The following PCSK5 variants were observed in gnomAD, a reference collection of about 807,000 sequenced individuals.
PCSK5 encodes proprotein convertase subtilisin/kexin type 5, also known as prohormone convertase 5.
Under a neutral mutation model 233.2 loss-of-function variants are expected in PCSK5, and 129 were observed. The ratio of observed to expected loss-of-function variants is 0.55; its 90% CI spans 0.48 to 0.64. The LOEUF (loss-of-function observed/expected upper bound fraction) is 0.64, where lower values mean the gene tolerates loss of function less well. PCSK5 is among the 30% of genes least tolerant of loss of function. The probability of loss-of-function intolerance (pLI) is 0.00; values close to 1 mark genes in which losing one functional copy is unlikely to be tolerated. For synonymous variants in PCSK5, 825 were observed against 879.2 expected (o/e 0.94, Z 1.09); for missense variants, 2,076 against 2,430.1 (o/e 0.85, Z 3.06).
intron 17 of PCSK5, among the ~76,000 whole-genome samples, chr9:76,188,326 A>C (rs941638066): frequency 3.3e-5 from 5 of 152,180 alleles, no homozygotes; most frequent in Admixed American, 2.0e-4. Context: ...AGTCTAACAA[A>C]TTAAGGAGGC....
intron 24 of PCSK5, among the ~76,000 whole-genome samples, chr9:76,263,943 G>T (rs1249561841): frequency 6.6e-6 from 1 of 152,022 alleles, no homozygotes; most frequent in Admixed American, 6.6e-5. Context: ...TTTCACAGAA[G>T]TAGCAGAAAC....
chr9:76,012,006 C>T (rs1827747376), intron 3 of PCSK5, among the ~76,000 whole-genome samples: 1 of 152,046 alleles, frequency 6.6e-6, no homozygotes. Flanking sequence ...GTTTAGTATC[C>T]ATCTGCCCAA....
At chr9:76,096,706 A>G (rs1024081335) in intron 8 of PCSK5, among the ~76,000 whole-genome samples, 7 of 149,366 alleles carry the variant, frequency 4.7e-5, no homozygotes, top group African/African-American at 1.5e-4. Context: ...GATTCAAGCT[A>G]TTCTCCTGTC....
chr9:76,202,393 C>T (rs1824948505), intron 20 of PCSK5, among the ~76,000 whole-genome samples: 1 of 152,228 alleles, frequency 6.6e-6, no homozygotes, highest in East Asian at 1.9e-4. Context: ...TTTTCCACAA[C>T]AGCCAGAATG....
intron 24 of PCSK5, among the ~76,000 whole-genome samples, chr9:76,291,406 C>A (rs11144821): frequency 0.061 from 9,318 of 152,228 alleles, 594 homozygotes; most frequent in African/African-American, 0.16. Context: ...GAACAGTTGT[C>A]TTTCATCTCC....
intron 33 of PCSK5, among the ~76,000 whole-genome samples, chr9:76,329,303 G>A (rs1829460602): frequency 6.6e-6 from 1 of 151,556 alleles, no homozygotes; most frequent in South Asian, 2.1e-4. Flanking sequence ...ACCATGCCTG[G>A]CCCTTCCATG....
intron 2 of PCSK5, among the ~76,000 whole-genome samples, chr9:75,946,366 A>G (rs1824568696): frequency 6.6e-6 from 1 of 152,176 alleles, no homozygotes; most frequent in South Asian, 2.1e-4. Context: ...ACTAGCTCAG[A>G]GTGGCTATTA....
intron 2 of PCSK5, among the ~76,000 whole-genome samples, chr9:75,968,254 A>G (rs1010083248): frequency 6.6e-6 from 1 of 152,242 alleles, no homozygotes; most frequent in African/African-American, 2.4e-5. Context: ...ACTGTGTCCA[A>G]CAAGTGTTGA....
chr9:76,176,237 C>G (rs1422952731), intron 14 of PCSK5, among the ~76,000 whole-genome samples: 1 of 152,196 alleles, frequency 6.6e-6, no homozygotes. Context: ...TCCAAACAGA[C>G]TAACATCATT....
intron 33 of PCSK5, among the ~76,000 whole-genome samples, chr9:76,329,364 T>C (rs1450008622): frequency 6.6e-6 from 1 of 151,558 alleles, no homozygotes; most frequent in Non-Finnish European, 1.5e-5. Flanking sequence ...CTCACTGTGT[T>C]CCCCAGGCTG....
chr9:76,256,309 T>G (rs1481183776), intron 24 of PCSK5, among the ~76,000 whole-genome samples: 1 of 152,236 alleles, frequency 6.6e-6, no homozygotes, highest in Non-Finnish European at 1.5e-5. Flanking sequence ...CTACTTGTTG[T>G]GTAACTGACC....
intron 20 of PCSK5, among the ~76,000 whole-genome samples, chr9:76,207,831 GCTGT>G (rs1224822585): frequency 2.6e-5 from 4 of 152,136 alleles, no homozygotes; most frequent in South Asian, 2.1e-4. Context: ...GAGCCTTGGG[GCTGT>G]CTTAGTCTGC....
intron 8 of PCSK5, among the ~76,000 whole-genome samples, chr9:76,103,216 C>T (rs1831835810): frequency 6.6e-6 from 1 of 152,168 alleles, no homozygotes; most frequent in African/African-American, 2.4e-5. Flanking sequence ...CTGCCCTTCT[C>T]CCCCATAGCT....
rs150426716 is a variant in PCSK5, at chr9:76,248,286, A to T, written c.3142+7602A>T. On this transcript the variant is annotated intron_variant, in intron 24 of 37. Transcript: ENST00000674117. ...CCAGATAAATATTTTACATATTCAT[A>T]ACAAATGACATAGTAAGTAGTGTGA... Among the ~76,000 whole-genome samples, 881 of 152,272 alleles carry T rather than the reference A, an allele frequency of 5.8e-3. 3 individuals are homozygous for T. The highest frequency in any genetic ancestry group is 8.4e-3 in the Non-Finnish European group (571 of 68,024).
chr9:75,906,871 C>T (rs959741111), intron 1 of PCSK5, among the ~76,000 whole-genome samples: 4 of 152,162 alleles, frequency 2.6e-5, no homozygotes, highest in African/African-American at 4.8e-5. Flanking sequence ...GCTAGACCTT[C>T]CTATTGTTCC....
At chr9:75,998,731 A>G (rs1282159372) in intron 3 of PCSK5, among the ~76,000 whole-genome samples, 1 of 152,204 alleles carries the variant, frequency 6.6e-6, no homozygotes, top group Non-Finnish European at 1.5e-5. Context: ...ATATATCATG[A>G]ACATCCACGT....
chr9:76,194,924 G>A (rs539845683), intron 20 of PCSK5: 3 of 208,312 alleles, frequency 1.4e-5, no homozygotes, highest in East Asian at 3.1e-4. Flanking sequence ...GGACTATCCT[G>A]GGAAAGAGCT....
chr9:76,214,003 TAC>T (rs2131290045), intron 20 of PCSK5, among the ~76,000 whole-genome samples: 1 of 152,164 alleles, frequency 6.6e-6, no homozygotes, highest in Admixed American at 6.5e-5. Flanking sequence ...CTTCCACTCA[TAC>T]AGTGAGGCCA....
chr9:76,246,656 T>C (rs1209982842), intron 24 of PCSK5, among the ~76,000 whole-genome samples: 2 of 152,198 alleles, frequency 1.3e-5, no homozygotes, highest in African/African-American at 4.8e-5. Context: ...CTTGTGGTAG[T>C]AAACTATCAG....
Sources: gnomAD v4.1 joint callset for allele counts (sites outside exome capture counted in the v4.1 genomes callset) on GRCh38, gnomAD v4.1.1 for gene constraint, MANE v1.5 for transcripts, NCBI Gene and HGNC (gene_info 2026-07-23, HGNC 2026-07-21) for gene names.